ZNF723: variants seen among roughly 807,000 people sequenced by gnomAD.
The protein encoded by ZNF723 is zinc finger protein 723.
Under a neutral mutation model 9.4 loss-of-function variants are expected in ZNF723, and 5 were observed. The ratio of observed to expected loss-of-function variants is 0.53; its 90% CI spans 0.28 to 1.12. The LOEUF is 1.12. ZNF723 is among the 50% of genes most tolerant of loss of function. ZNF723 has a pLI of 0.10. For synonymous variants in ZNF723, 158 were observed against 168.8 expected, an observed-to-expected ratio of 0.94 and a Z score of 0.49; for missense variants, 450 against 501.5, an observed-to-expected ratio of 0.90 and a Z score of 0.98.
At chr19:22,834,297 T>C (rs113091021) in intron 1 of ZNF723, among the ~76,000 whole-genome samples, 33 of 152,322 alleles carry the variant, frequency 2.2e-4, no homozygotes, top group African/African-American at 7.2e-4. Context: ...AGAGATTCGT[T>C]TTCTATTTTT....
At chr19:22,823,982 A>G in the ZNF723 span, among the ~76,000 whole-genome samples, 3 of 152,208 alleles carry the variant, frequency 2.0e-5, no homozygotes, top group Admixed American at 2.0e-4. Flanking sequence ...CCTGGATCTC[A>G]CCCTCAGAAG....
chr19:22,822,347 C>G, the ZNF723 span, among the ~76,000 whole-genome samples: 1 of 152,182 alleles, frequency 6.6e-6, no homozygotes, highest in Non-Finnish European at 1.5e-5. Flanking sequence ...TGAATAGTGA[C>G]TGATTTCTGG....
At chr19:22,854,627 G>A (rs997301693) in intron 3 of ZNF723, among the ~76,000 whole-genome samples, 2 of 151,360 alleles carry the variant, frequency 1.3e-5, no homozygotes, top group African/African-American at 2.4e-5. Flanking sequence ...GTATTAATAT[G>A]CTTTTACTTC....
chr19:22,813,155 G>GAT, the ZNF723 span, among the ~76,000 whole-genome samples: 1 of 152,090 alleles, frequency 6.6e-6, no homozygotes. Flanking sequence ...TGTATTTTTA[G>GAT]TAGAGACGGA....
chr19:22,819,918 GTGA>G, the ZNF723 span, among the ~76,000 whole-genome samples: 3 of 152,034 alleles, frequency 2.0e-5, no homozygotes, highest in Non-Finnish European at 4.4e-5. Flanking sequence ...AAACACCTAG[GTGA>G]TTTGACTCTT....
At chr19:22,830,494 A>G (rs538158698), upstream of ZNF723, among the ~76,000 whole-genome samples, 1 of 151,124 alleles carries the variant, frequency 6.6e-6, no homozygotes, top group African/African-American at 2.5e-5. Context: ...ACTATTCTCA[A>G]TAATAAAGAG....
chr19:22,852,609 C>A (rs1470622716), intron 3 of ZNF723, among the ~76,000 whole-genome samples: 1 of 152,030 alleles, frequency 6.6e-6, no homozygotes, highest in Non-Finnish European at 1.5e-5. Context: ...AAATTTTGGA[C>A]TTGACAATAA....
In ZNF723 at chr19:22,848,518, G is replaced by C; in HGVS notation, c.130+131G>C. ...ATCACTGTTTTGAAGAAAAGCTTGG[G>C]AATTTGTCAGTGTAGAAAAGAATTT... On this transcript the variant is annotated intron_variant, in intron 2 of 3. Coordinates refer to ENST00000600766, the MANE Select transcript of ZNF723 (RefSeq NM_001349726.2). 3 of 740,100 alleles carry C rather than the reference G, an allele frequency of 4.1e-6. No homozygotes were observed. The East Asian group carries it at 8.9e-5, about 22-fold the overall frequency. The allele number at this position is 740,100 out of a possible 1,614,324, so 45.8% of individuals were successfully genotyped here.
the ZNF723 span, among the ~76,000 whole-genome samples, chr19:22,815,894 A>G: frequency 6.6e-6 from 1 of 152,240 alleles, no homozygotes; most frequent in African/African-American, 2.4e-5. Flanking sequence ...TGACACAAGG[A>G]CAGAGCCCAT....
chr19:22,857,913 A>G lies in ZNF723; in HGVS notation c.1022A>G (p.Tyr341Cys). Residue 341 changes from tyrosine to cysteine, a missense_variant, in exon 4 of 4, where the codon TAC becomes TGC. This residue lies in a region of ZNF723 where 237 missense variants were observed against 332.2 expected (regional missense o/e 0.71). Coordinates refer to ENST00000600766, the MANE Select transcript of ZNF723 (RefSeq NM_001349726.2). ...HKRIHTGEKL[Y>C]KCEECGKAFS... is the part of the protein sequence containing the mutation. The stretch of plus-strand genomic sequence containing the variant: ...AGAATTCATACTGGAGAGAAACTCT[A>G]CAAATGTGAAGAATGTGGCAAAGCA... 3 of 1,450,700 alleles carry G rather than the reference A, an allele frequency of 2.1e-6. No homozygotes were observed. The highest frequency in any genetic ancestry group is 2.9e-6 in the Non-Finnish European group (3 of 1,031,782). The allele number at this position is 1,450,700 out of a possible 1,614,324, so 89.9% of individuals were successfully genotyped here.
At chr19:22,850,702 A>T (rs1967383538) in intron 3 of ZNF723, among the ~76,000 whole-genome samples, 1 of 152,100 alleles carries the variant, frequency 6.6e-6, no homozygotes, top group African/African-American at 2.4e-5. Flanking sequence ...TATATTTAAA[A>T]TAATTGCTTA....
the ZNF723 span, among the ~76,000 whole-genome samples, chr19:22,812,776 T>C: frequency 1.3e-5 from 2 of 152,118 alleles, no homozygotes; most frequent in Non-Finnish European, 1.5e-5. Context: ...CTCTTATATG[T>C]AGATTCAGTT....
At chr19:22,854,846 G>A (rs1031945248) in intron 3 of ZNF723, among the ~76,000 whole-genome samples, 2 of 152,164 alleles carry the variant, frequency 1.3e-5, no homozygotes, top group African/African-American at 4.8e-5. Flanking sequence ...TCGGGAGTTC[G>A]AGTCCAGCCT....
the ZNF723 span, among the ~76,000 whole-genome samples, chr19:22,818,451 A>C: frequency 3.9e-5 from 6 of 152,172 alleles, no homozygotes; most frequent in Non-Finnish European, 5.9e-5. Flanking sequence ...CAAGATAGAC[A>C]CACCTTAGAG....
chr19:22,813,564 T>C, the ZNF723 span, among the ~76,000 whole-genome samples: 1 of 151,920 alleles, frequency 6.6e-6, no homozygotes, highest in Admixed American at 6.6e-5. Context: ...CCTGCTCACA[T>C]GGCCCATTTC....
chr19:22,845,113 T>C (rs1967292009), intron 1 of ZNF723, among the ~76,000 whole-genome samples: 1 of 152,126 alleles, frequency 6.6e-6, no homozygotes, highest in African/African-American at 2.4e-5. Flanking sequence ...AGCGAGACTC[T>C]GTCTCAAAAA....
In ZNF723 at chr19:22,832,402, C is replaced by T. The variant is rs1967108830; in HGVS notation, c.3+20C>T. 1 of 1,367,908 alleles carries T rather than the reference C, an allele frequency of 7.3e-7. No individual in the cohort carries two copies. The highest frequency in any genetic ancestry group is 1.4e-5 in the African/African-American group (1 of 69,316). 84.7% of individuals were successfully genotyped at this position (1,367,908 alleles called of 1,614,324 possible). A position where few individuals can be genotyped will look rare whatever the true frequency, so the allele number is the denominator to read the frequency against. ...GAAATGGTGAGAGTACCGGGTCCGA[C>T]ATCCCGAGAGAGGGGAAGGGCTGGT... On this transcript the variant is annotated intron_variant, in intron 1 of 3. Transcript: ENST00000600766.
chr19:22,856,257 C>T (rs1370408272), intron 3 of ZNF723, among the ~76,000 whole-genome samples: 5 of 152,132 alleles, frequency 3.3e-5, no homozygotes, highest in Non-Finnish European at 7.3e-5. Flanking sequence ...CTGTGCCTGG[C>T]CAGAATTTTT....
At chr19:22,827,228 G>T in the ZNF723 span, among the ~76,000 whole-genome samples, 1 of 151,584 alleles carries the variant, frequency 6.6e-6, no homozygotes, top group Non-Finnish European at 1.5e-5. Context: ...GATAAACAGA[G>T]AACTACTTGT....
Sources: gnomAD v4.1 joint callset for allele counts (sites outside exome capture counted in the v4.1 genomes callset) on GRCh38, gnomAD v4.1.1 for gene constraint, gnomAD v4.1.1 regional missense constraint, MANE v1.5 for transcripts, NCBI Gene and HGNC (gene_info 2026-07-23, HGNC 2026-07-21) for gene names.